Variants in MTMR8 observed in about 807,000 individuals in gnomAD.
The protein encoded by MTMR8 is phosphatidylinositol-3,5-bisphosphate 3-phosphatase MTMR8.
In MTMR8, 65 loss-of-function variants were observed where a neutral mutation model predicts 39.3. The ratio of observed to expected loss-of-function variants is 1.65; its 90% CI spans 1.35 to 2.03. The LOEUF (loss-of-function observed/expected upper bound fraction) is 2.03, where lower values mean the gene tolerates loss of function less well. MTMR8 is among the 30% of genes most tolerant of loss of function. MTMR8 has a pLI of 0.00. For synonymous variants in MTMR8, 245 were observed against 185.2 expected (o/e 1.32, Z -2.62); for missense variants, 777 against 538.9 (o/e 1.44, Z -4.37).
At chrX:64,291,049 T>C (rs1488992899) in intron 12 of MTMR8, among the ~76,000 whole-genome samples, 1 of 110,178 alleles carries the variant, frequency 9.1e-6, no homozygotes. Flanking sequence ...TGACAAACTG[T>C]TTTTCAAAGT....
intron 6 of MTMR8, among the ~76,000 whole-genome samples, chrX:64,347,016 T>C (rs1923363614): frequency 9.0e-6 from 1 of 111,117 alleles, no homozygotes; most frequent in African/African-American, 3.3e-5. Context: ...ATTATCCCCA[T>C]AAGAAAACAG....
chrX:64,311,234 C>T (rs1057147728), intron 12 of MTMR8, among the ~76,000 whole-genome samples: 8 of 112,000 alleles, frequency 7.1e-5, no homozygotes, highest in East Asian at 2.8e-4. Flanking sequence ...TTTTGATTTG[C>T]ATTTCTCTGA....
At chrX:64,272,714 C>T (rs751200352) in intron 12 of MTMR8, among the ~76,000 whole-genome samples, 3 of 110,762 alleles carry the variant, frequency 2.7e-5, no homozygotes, top group Admixed American at 9.6e-5. Flanking sequence ...GAAATCCACA[C>T]TAAGACATAT....
At chrX:64,319,818 A>T (rs1922581987) in intron 12 of MTMR8, among the ~76,000 whole-genome samples, 1 of 110,962 alleles carries the variant, frequency 9.0e-6, no homozygotes, top group African/African-American at 3.3e-5. Flanking sequence ...CTTGTAATAT[A>T]GTTTGAAGTC....
chrX:64,367,157 C>T (rs768964555), intron 1 of MTMR8, among the ~76,000 whole-genome samples: 4 of 111,668 alleles, frequency 3.6e-5, no homozygotes, highest in Non-Finnish European at 7.5e-5. Flanking sequence ...CAGACAGATT[C>T]ATAGCCGAAT....
At chrX:64,354,150 A>G (rs1269284332) in intron 4 of MTMR8, among the ~76,000 whole-genome samples, 1 of 108,065 alleles carries the variant, frequency 9.3e-6, no homozygotes, top group Non-Finnish European at 1.9e-5. Flanking sequence ...GAGTAGAATG[A>G]TGGTTACCAA....
chrX:64,354,972 A>T (rs1173411030), intron 3 of MTMR8, 38 bp from the exon 4 acceptor site: 1 of 1,078,223 alleles, frequency 9.3e-7, no homozygotes, highest in Admixed American at 2.8e-5. Flanking sequence ...CAAAATGATG[A>T]ATGAAACCTA....
chrX:64,346,652 G>A (rs970652200), intron 6 of MTMR8, among the ~76,000 whole-genome samples: 1 of 109,939 alleles, frequency 9.1e-6, no homozygotes, highest in African/African-American at 3.3e-5. Flanking sequence ...AAATATGTCT[G>A]GCAGATCTGA....
chrX:64,332,684 T>C (rs893492600), intron 10 of MTMR8, among the ~76,000 whole-genome samples: 4 of 111,931 alleles, frequency 3.6e-5, no homozygotes, highest in Non-Finnish European at 7.5e-5. Flanking sequence ...ATTCTCTGAA[T>C]AATCTGATGG....
chrX:64,300,152 A>T (rs12380932), intron 12 of MTMR8, among the ~76,000 whole-genome samples: 7 of 105,846 alleles, frequency 6.6e-5, no homozygotes, highest in African/African-American at 1.7e-4. Flanking sequence ...TTTCTGTCTC[A>T]TTGATCTGTC....
chrX:64,298,264 G>A (rs923377319), intron 12 of MTMR8, among the ~76,000 whole-genome samples: 1 of 104,193 alleles, frequency 9.6e-6, no homozygotes, highest in African/African-American at 3.6e-5. Flanking sequence ...TCCTTGAGCA[G>A]TGGTTTCTAG....
intron 12 of MTMR8, among the ~76,000 whole-genome samples, chrX:64,288,242 AGCT>A (rs1921267278): frequency 9.1e-6 from 1 of 110,370 alleles, no homozygotes; most frequent in East Asian, 2.9e-4. Context: ...TGCAGCCAAC[AGCT>A]ACATTTATGA....
In MTMR8 at chrX:64,297,408, A is replaced by G. The variant is rs374874331; in HGVS notation, c.1482-26335T>C. ...TGAGAAGTGTCTGTTCATGTCCTTC[A>G]CCCACTTTTTGATGGGGTTGTTTGT... On this transcript the variant is annotated intron_variant, in intron 12 of 13. Transcript: ENST00000374852. Among the ~76,000 whole-genome samples the G allele has an allele frequency of 1.1e-3, 111 of 101,324 alleles. 1 individual carries two copies. Among genetic ancestry groups the G allele is most frequent in the Middle Eastern group, 5.1e-3 (1 of 198 alleles). 88.0% of individuals were successfully genotyped at this position (101,324 alleles called of 115,157 possible).
Position 64,286,505 on chromosome X carries a change from A to G in MTMR8, c.1482-15432T>C, listed in dbSNP as rs1407705684. ...GATATCAAAGCCTGGCAGAGACACAACAAAAGAAGATAATTTTAGACCAAT... is the reference window on the plus strand; with the variant it reads ...GATATCAAAGCCTGGCAGAGACACAGCAAAAGAAGATAATTTTAGACCAAT... On this transcript the variant is annotated intron_variant, in intron 12 of 13. Transcript: ENST00000374852. Among the ~76,000 whole-genome samples the G allele has an allele frequency of 3.6e-5, 4 of 111,835 alleles. No individual in the cohort carries two copies. The Admixed American group carries it at 3.8e-4, about 11-fold the overall frequency.
chrX:64,393,397 CTTCCAAT>C (rs1167285160), intron 1 of MTMR8, among the ~76,000 whole-genome samples: 1 of 112,116 alleles, frequency 8.9e-6, no homozygotes, highest in African/African-American at 3.2e-5. Context: ...TTTCTTCTCC[CTTCCAAT>C]TTCCATAGAG....
intron 12 of MTMR8, among the ~76,000 whole-genome samples, chrX:64,311,749 G>T (rs1221910089): frequency 9.3e-6 from 1 of 107,633 alleles, no homozygotes; most frequent in Non-Finnish European, 1.9e-5. Context: ...TATTAAATAG[G>T]GAATCCTTTC....
chrX:64,323,930 T>A (rs1922721192), intron 12 of MTMR8, among the ~76,000 whole-genome samples: 1 of 112,413 alleles, frequency 8.9e-6, no homozygotes, highest in African/African-American at 3.2e-5. Context: ...TAAAAGGAAA[T>A]CTTATAGCAA....
intron 12 of MTMR8, among the ~76,000 whole-genome samples, chrX:64,307,189 G>A (rs996345559): frequency 4.5e-5 from 5 of 111,906 alleles, no homozygotes; most frequent in African/African-American, 1.3e-4. Context: ...GTTATTTGTA[G>A]TATTTTCTCC....
At chrX:64,306,330 G>C in intron 12 of MTMR8, 1 of 291,950 alleles carries the variant, frequency 3.4e-6, no homozygotes, top group East Asian at 9.0e-5. Flanking sequence ...TGCAGTGTTT[G>C]TCAAAGCCCA....
Sources: allele counts gnomAD v4.1 joint callset (sites outside exome capture counted in the v4.1 genomes callset), GRCh38; gene constraint gnomAD v4.1.1; transcripts MANE v1.5; gene names NCBI Gene and HGNC (gene_info 2026-07-23, HGNC 2026-07-21).